Variants in HECW1 observed in about 807,000 individuals in gnomAD.
HECW1 encodes the protein E3 ubiquitin-protein ligase HECW1.
In HECW1, 61 loss-of-function variants were observed where a neutral mutation model predicts 182.3. The ratio of observed to expected loss-of-function variants is 0.33; its 90% CI spans 0.27 to 0.41. The LOEUF is 0.41. Ranked by LOEUF, HECW1 falls within the 10% of genes least tolerant of loss-of-function variation. The pLI is 1.00. For missense variants in HECW1, 1,739 were observed against 2,108.9 expected (o/e 0.82, Z 3.44); for synonymous variants, 859 against 832.6 (o/e 1.03, Z -0.55).
At chr7:43,540,101 T>G (rs1436556091) in intron 24 of HECW1, among the ~76,000 whole-genome samples, 2 of 152,220 alleles carry the variant, frequency 1.3e-5, no homozygotes, top group East Asian at 3.8e-4. Context: ...CAATTTGAAG[T>G]GTTTTTATAA....
At chr7:43,224,705 C>T (rs1422639828) in intron 2 of HECW1, among the ~76,000 whole-genome samples, 1 of 152,198 alleles carries the variant, frequency 6.6e-6, no homozygotes, top group African/African-American at 2.4e-5. Context: ...ATCCCAGCTA[C>T]TCAGTAAGCT....
chr7:43,363,429 T>C, intron 6 of HECW1, among the ~76,000 whole-genome samples: 1 of 152,212 alleles, frequency 6.6e-6, no homozygotes, highest in East Asian at 1.9e-4. Context: ...TTGAAATATT[T>C]TGACATATTG....
intron 3 of HECW1, among the ~76,000 whole-genome samples, chr7:43,305,362 C>T (rs1807414350): frequency 6.6e-6 from 1 of 151,108 alleles, no homozygotes; most frequent in African/African-American, 2.5e-5. Context: ...TCTTGGCTGC[C>T]GAGAAGCTCA....
chr7:43,342,089 C>A (rs1813071838), intron 5 of HECW1, among the ~76,000 whole-genome samples: 1 of 151,812 alleles, frequency 6.6e-6, no homozygotes. Flanking sequence ...ATGACTGTTT[C>A]ATTCTGGTGT....
intron 24 of HECW1, among the ~76,000 whole-genome samples, chr7:43,516,643 C>T (rs375292340): frequency 6.6e-6 from 1 of 152,084 alleles, no homozygotes; most frequent in Non-Finnish European, 1.5e-5. Context: ...GGAAGAATAC[C>T]AGCGCCTCAG....
At chr7:43,175,866 C>A (rs542996984) in intron 2 of HECW1, among the ~76,000 whole-genome samples, 13 of 152,182 alleles carry the variant, frequency 8.5e-5, no homozygotes, top group African/African-American at 2.9e-4. Flanking sequence ...ATTTTAACAC[C>A]CTCTCGGTTC....
At chr7:43,465,229 G>A (rs1372328309) in intron 14 of HECW1, among the ~76,000 whole-genome samples, 8 of 152,224 alleles carry the variant, frequency 5.3e-5, no homozygotes, top group African/African-American at 1.7e-4. Context: ...GGCATTTACT[G>A]TATAGAAAAA....
rs2076969778 is a variant in HECW1 at position 43,444,108 on chromosome 7, A to G, written c.1046-110A>G. 1.8e-6 allele frequency: 2 copies of G among 1,108,566 alleles called. No individual in the cohort carries two copies. The highest frequency in any genetic ancestry group is 2.5e-6 in the Non-Finnish European group (2 of 785,208). 68.7% of individuals were successfully genotyped at this position (1,108,566 alleles called of 1,614,324 possible). ...AGAAACCCTCATCAACCTACATTCA[A>G]TATCCTAATGTAGAAATCCCTTAGT... On this transcript the variant is annotated intron_variant, in intron 10 of 29. Coordinates refer to ENST00000395891, the MANE Select transcript of HECW1 (RefSeq NM_015052.5). This position sits in a 1 kb window ranked among gnomAD's most constrained non-coding sequence, Gnocchi z 4.3.
At position 43,299,972 on chromosome 7, in the gene HECW1, T is replaced by C. The variant is rs545732615; in HGVS notation, c.28-11791T>C. 3.9e-4 allele frequency among the ~76,000 whole-genome samples: 59 copies of C among 152,382 alleles called. 1 individual carries two copies. Among genetic ancestry groups the C allele is most frequent in the Middle Eastern group, 6.8e-3 (2 of 294 alleles). ...TTTGATCACAGGGATATCTTGATGCTGTTGGACTTTTCCCCATGGAGCTCT... is the reference window on the plus strand; with the variant it reads ...TTTGATCACAGGGATATCTTGATGCCGTTGGACTTTTCCCCATGGAGCTCT... On this transcript the variant is annotated intron_variant, in intron 3 of 29. Transcript: ENST00000395891.
intron 11 of HECW1, among the ~76,000 whole-genome samples, chr7:43,446,690 G>T (rs185470022): frequency 6.6e-6 from 1 of 152,076 alleles, no homozygotes; most frequent in East Asian, 1.9e-4. Flanking sequence ...AATAATGCCC[G>T]CTTCTACATT....
rs73092859 is a variant in HECW1 at position 43,328,319 on chromosome 7, A to C, written c.460+7577A>C. Among the ~76,000 whole-genome samples, 108 of 151,764 alleles carry C rather than the reference A, an allele frequency of 7.1e-4. 1 individual carries two copies. The highest frequency in any genetic ancestry group is 2.0e-3 in the African/African-American group (84 of 41,450). ...TCTCAAATTAAAAACAAAAAACAAA[A>C]AACAAAAAAAACAAGGGTTTGTGAC... On this transcript the variant is annotated intron_variant, in intron 5 of 29. Coordinates refer to ENST00000395891, the MANE Select transcript of HECW1 (RefSeq NM_015052.5).
intron 2 of HECW1, among the ~76,000 whole-genome samples, chr7:43,163,718 C>T (rs920939773): frequency 6.6e-6 from 1 of 152,134 alleles, no homozygotes; most frequent in Admixed American, 6.6e-5. Context: ...TTAATTCTTC[C>T]TAATCTTGTT....
At position 43,550,528 on chromosome 7, in the gene HECW1, G is replaced by A; in HGVS notation, c.4332G>A (p.Val1444=). The A allele has an allele frequency of 6.2e-7, 1 of 1,613,382 alleles. No individual in the cohort carries two copies. The highest frequency in any genetic ancestry group is 8.5e-7 in the Non-Finnish European group (1 of 1,179,706). The change falls in exon 27 of 30, where the codon GTG becomes GTA. Residue 1444 remains valine (V), a synonymous_variant. Coordinates refer to ENST00000395891, the MANE Select transcript of HECW1 (RefSeq NM_015052.5). ...KNKKEYIERM[V]KWRVERGVVQ... Reference sequence around the variant, plus strand: ...AGAAGGAGTACATCGAGCGCATGGTGAAGTGGCGGGTGGAGCGCGGCGTGG... The same window carrying A: ...AGAAGGAGTACATCGAGCGCATGGTAAAGTGGCGGGTGGAGCGCGGCGTGG...
intron 3 of HECW1, among the ~76,000 whole-genome samples, chr7:43,295,873 A>G (rs1377472187): frequency 1.3e-5 from 2 of 152,368 alleles, no homozygotes; most frequent in Non-Finnish European, 1.5e-5. Flanking sequence ...AAGTAGTGGC[A>G]TCTATGACAT....
At position 43,207,302 on chromosome 7, in the gene HECW1, C is replaced by T. The variant is rs114309953; in HGVS notation, c.-31-36573C>T. ...CCTCAAGTGCTCTGCCCACCTCAGC[C>T]ACCAAAGTGCTGGGATTACAGATGT... On this transcript the variant is annotated intron_variant, in intron 2 of 29. Coordinates refer to ENST00000395891, the MANE Select transcript of HECW1 (RefSeq NM_015052.5). 4.4e-3 allele frequency among the ~76,000 whole-genome samples: 670 copies of T among 152,246 alleles called. 5 individuals carry two copies. The highest frequency in any genetic ancestry group is 0.015 in the African/African-American group (637 of 41,556).
intron 8 of HECW1, among the ~76,000 whole-genome samples, chr7:43,436,499 C>G (rs922103741): frequency 5.9e-5 from 9 of 151,934 alleles, no homozygotes; most frequent in Admixed American, 3.9e-4. Flanking sequence ...GGCTGTTTTA[C>G]AGGATTTGGG....
chr7:43,175,741 G>T (rs1019447451), intron 2 of HECW1, among the ~76,000 whole-genome samples: 1 of 152,310 alleles, frequency 6.6e-6, no homozygotes, highest in Non-Finnish European at 1.5e-5. Context: ...AGTCATGAAC[G>T]CACGGAGCTA....
Position 43,503,291 on chromosome 7 carries a change from G to A in HECW1, c.3631+1969G>A, listed in dbSNP as rs569602734. 1.2e-4 allele frequency among the ~76,000 whole-genome samples: 18 copies of A among 152,302 alleles called. No individual in the cohort carries two copies. In the East Asian group the frequency reaches 3.5e-3, roughly 29 times the overall value. ...TCATAGGATGACCTACTTTTGGGGA[G>A]CGAAGACAAAAGTAAGGGGTTTGGG... is the stretch of plus-strand genomic sequence containing the variant. On this transcript the variant is annotated intron_variant, in intron 21 of 29. Transcript: ENST00000395891.
intron 6 of HECW1, among the ~76,000 whole-genome samples, chr7:43,373,727 G>A (rs1397610012): frequency 3.9e-5 from 6 of 152,000 alleles, no homozygotes; most frequent in African/African-American, 2.4e-5. Context: ...CATCATCACC[G>A]TCTATCTCCA....
Sources: gnomAD v4.1 joint callset for allele counts (sites outside exome capture counted in the v4.1 genomes callset) on GRCh38, gnomAD v4.1.1 for gene constraint, Gnocchi (gnomAD v3.1) non-coding constraint, MANE v1.5 for transcripts, NCBI Gene and HGNC (gene_info 2026-07-23, HGNC 2026-07-21) for gene names.